ABAT: variants seen among roughly 807,000 people sequenced by gnomAD.
ABAT encodes the protein 4-aminobutyrate aminotransferase, also known as 4-aminobutyrate aminotransferase, mitochondrial.
A neutral mutation model predicts 64.6 loss-of-function variants in ABAT; 45 were observed. That is an observed-to-expected ratio of 0.70 (90% CI 0.55 to 0.89). The LOEUF (loss-of-function observed/expected upper bound fraction) is 0.89, where lower values mean the gene tolerates loss of function less well. Ranked by LOEUF, ABAT falls within the 40% of genes least tolerant of loss-of-function variation. The pLI is 0.00. For synonymous variants in ABAT, 297 were observed against 250.5 expected (o/e 1.19, Z -1.75); for missense variants, 633 against 658.4 (o/e 0.96, Z 0.42).
chr16:8,732,066 T>G (rs1360679148), intron 1 of ABAT, among the ~76,000 whole-genome samples: 1 of 152,142 alleles, frequency 6.6e-6, no homozygotes, highest in Non-Finnish European at 1.5e-5. Flanking sequence ...TTGGCCAGGC[T>G]GGTCTTGAAC....
chr16:8,731,843 C>G (rs1163130056), intron 1 of ABAT, among the ~76,000 whole-genome samples: 1 of 151,466 alleles, frequency 6.6e-6, no homozygotes, highest in Admixed American at 6.6e-5. Context: ...TCTTTTTCCT[C>G]TTTTTCTGTT....
At chr16:8,681,876 A>C (rs747614817) in intron 1 of ABAT, among the ~76,000 whole-genome samples, 5 of 151,992 alleles carry the variant, frequency 3.3e-5, no homozygotes, top group Non-Finnish European at 7.4e-5. Flanking sequence ...TTGTGACCTC[A>C]GGTGATCCAC....
intron 14 of ABAT, among the ~76,000 whole-genome samples, chr16:8,779,067 CA>C (rs1391314350): frequency 6.6e-6 from 1 of 152,182 alleles, no homozygotes; most frequent in Non-Finnish European, 1.5e-5. Context: ...GTGGAGCATC[CA>C]CCAAGTGCCC....
chr16:8,740,056 C>T (rs1031272725), intron 2 of ABAT, among the ~76,000 whole-genome samples: 15 of 152,078 alleles, frequency 9.9e-5, no homozygotes, highest in Middle Eastern at 6.8e-3. Flanking sequence ...GGAATTACAG[C>T]TTACTTTTAA....
intron 1 of ABAT, among the ~76,000 whole-genome samples, chr16:8,708,001 T>G (rs2057986795): frequency 6.6e-6 from 1 of 152,144 alleles, no homozygotes; most frequent in Non-Finnish European, 1.5e-5. Flanking sequence ...AAATCAGTGG[T>G]CAGTCTTGGC....
At chr16:8,779,266 TGG>T (rs146137826) in intron 14 of ABAT, among the ~76,000 whole-genome samples, 9,682 of 152,076 alleles carry the variant, frequency 0.064, 363 homozygotes, top group Middle Eastern at 0.12. Context: ...GTGGTGGTGG[TGG>T]TTTTTTTCCT....
intron 1 of ABAT, among the ~76,000 whole-genome samples, chr16:8,695,021 A>G (rs1406443488): frequency 6.6e-6 from 1 of 152,230 alleles, no homozygotes; most frequent in Non-Finnish European, 1.5e-5. Context: ...TGCTGGAGCC[A>G]CTGGGCCAGC....
intron 1 of ABAT, among the ~76,000 whole-genome samples, chr16:8,721,564 G>A (rs556062560): frequency 5.3e-5 from 8 of 152,284 alleles, no homozygotes; most frequent in Admixed American, 5.2e-4. Flanking sequence ...AAGCCTTTTA[G>A]GCTTCTGAAC....
At chr16:8,715,581 C>T (rs1038649166) in intron 1 of ABAT, 2 of 145,574 alleles carry the variant, frequency 1.4e-5, no homozygotes, top group South Asian at 2.2e-4. Context: ...AGCCATGAGC[C>T]ATGATCATGC....
intron 6 of ABAT, among the ~76,000 whole-genome samples, chr16:8,761,171 C>G (rs1433543540): frequency 1.3e-5 from 2 of 151,844 alleles, no homozygotes; most frequent in African/African-American, 4.8e-5. Context: ...CTGCCAGGAG[C>G]TTCCCCCACC....
At chr16:8,741,037 G>A (rs2059149351) in intron 2 of ABAT, among the ~76,000 whole-genome samples, 1 of 152,244 alleles carries the variant, frequency 6.6e-6, no homozygotes, top group East Asian at 1.9e-4. Context: ...CATTAACAAT[G>A]TTTGCTAGCT....
chr16:8,777,577 G>A (rs548256992), intron 14 of ABAT, among the ~76,000 whole-genome samples: 57 of 152,230 alleles, frequency 3.7e-4, no homozygotes, highest in South Asian at 4.2e-4. Flanking sequence ...GACGTGTGGG[G>A]ATGTGTGTGT....
intron 5 of ABAT, among the ~76,000 whole-genome samples, chr16:8,753,309 A>G (rs964321618): frequency 6.6e-6 from 1 of 151,822 alleles, no homozygotes; most frequent in Non-Finnish European, 1.5e-5. Context: ...GTTAGCCAGG[A>G]TGGTCTCGAT....
chr16:8,717,363 A>T (rs999322439), intron 1 of ABAT, among the ~76,000 whole-genome samples: 1 of 152,216 alleles, frequency 6.6e-6, no homozygotes. Context: ...GTTAAATAAG[A>T]TACATGAAAA....
chr16:8,753,819 T>A (rs1432428866), intron 5 of ABAT, among the ~76,000 whole-genome samples: 2 of 152,098 alleles, frequency 1.3e-5, no homozygotes, highest in Non-Finnish European at 2.9e-5. Context: ...TCATCCGTCT[T>A]CTCGACCAGA....
chr16:8,699,341 C>T (rs1200689912), intron 1 of ABAT, among the ~76,000 whole-genome samples: 2 of 151,764 alleles, frequency 1.3e-5, no homozygotes, highest in Admixed American at 6.6e-5. Context: ...TAAAGGGCCT[C>T]GGATCACCTA....
chr16:8,778,791 A>G (rs2060344517), intron 14 of ABAT, among the ~76,000 whole-genome samples: 1 of 152,038 alleles, frequency 6.6e-6, no homozygotes. Context: ...AAAAAAAACA[A>G]AAAACAAAAA....
intron 1 of ABAT, among the ~76,000 whole-genome samples, chr16:8,678,512 T>G (rs1270572975): frequency 6.6e-6 from 1 of 152,352 alleles, no homozygotes; most frequent in East Asian, 1.9e-4. Flanking sequence ...CACCCGCTTC[T>G]CCACCAGGCA....
chr16:8,711,348 T>C (rs1456014747), intron 1 of ABAT, among the ~76,000 whole-genome samples: 3 of 152,118 alleles, frequency 2.0e-5, no homozygotes, highest in Non-Finnish European at 4.4e-5. Context: ...GATGGGTACC[T>C]GAACAAGGAC....
Sources: allele counts gnomAD v4.1 joint callset (sites outside exome capture counted in the v4.1 genomes callset), GRCh38; gene constraint gnomAD v4.1.1; transcripts MANE v1.5; gene names NCBI Gene and HGNC (gene_info 2026-07-23, HGNC 2026-07-21).